Variants in PCNX1 observed in about 807,000 individuals in gnomAD.
PCNX1 encodes the protein pecanex 1.
A neutral mutation model predicts 242.2 loss-of-function variants in PCNX1; 78 were observed. That is an observed-to-expected ratio of 0.32 (90% confidence interval 0.27 to 0.39). PCNX1 has a LOEUF of 0.39. Ranked by LOEUF, PCNX1 falls within the 10% of genes least tolerant of loss-of-function variation. PCNX1 has a pLI of 1.00. For synonymous variants in PCNX1, 1,024 were observed against 1,032.9 expected (o/e 0.99, Z 0.17); for missense variants, 2,581 against 2,856.5 (o/e 0.90, Z 2.20).
chr14:70,964,423 C>A (rs556413646), intron 3 of PCNX1, among the ~76,000 whole-genome samples: 1 of 152,282 alleles, frequency 6.6e-6, no homozygotes, highest in Admixed American at 6.5e-5. Flanking sequence ...ACAAGGGTTA[C>A]TATCCTTGAT....
At chr14:71,023,924 A>G (rs981225068) in intron 13 of PCNX1, among the ~76,000 whole-genome samples, 15 of 152,136 alleles carry the variant, frequency 9.9e-5, no homozygotes, top group African/African-American at 3.6e-4. Flanking sequence ...AAATAAAACA[A>G]AGAGGCAAGT....
chr14:71,021,492 T>C (rs1213836206), intron 12 of PCNX1, among the ~76,000 whole-genome samples: 1 of 152,282 alleles, frequency 6.6e-6, no homozygotes, highest in Non-Finnish European at 1.5e-5. Flanking sequence ...GGAAAACCAT[T>C]GACATAGTTC....
chr14:71,051,165 T>C (rs1396594911), intron 23 of PCNX1, among the ~76,000 whole-genome samples: 2 of 77,000 alleles, frequency 2.6e-5, no homozygotes, highest in African/African-American at 1.2e-4. Context: ...CAAAACTCTG[T>C]CTCAAAAAAA....
intron 6 of PCNX1, among the ~76,000 whole-genome samples, chr14:70,988,249 C>CA (rs1566663860): frequency 6.6e-6 from 1 of 151,814 alleles, no homozygotes; most frequent in Admixed American, 6.6e-5. Flanking sequence ...AATATGGGAC[C>CA]AAAATAAATG....
Position 71,019,138 on chromosome 14 carries a change from C to T in PCNX1, c.3126C>T (p.Ala1042=), listed in dbSNP as rs529006515. Reference sequence around the variant, plus strand: ...TCTTCCAGTTCTGCCTCGTCATAGCCAGCTGTCAATACTCACTGCTTAAGG... The same window carrying T: ...TCTTCCAGTTCTGCCTCGTCATAGCTAGCTGTCAATACTCACTGCTTAAGG... ...IWVFQFCLVI[A]SCQYSLLKSV... is the part of the protein sequence containing the mutation. Residue 1042 remains alanine (A), a synonymous_variant, in exon 12 of 36, where the codon GCC becomes GCT. Coordinates refer to ENST00000304743, the MANE Select transcript of PCNX1 (RefSeq NM_014982.3). 17 of 1,611,136 alleles carry T rather than the reference C, an allele frequency of 1.1e-5. No homozygotes were observed. In the Admixed American group the frequency reaches 2.8e-4, roughly 27 times the overall value.
At chr14:70,921,912 A>C (rs547494223) in intron 1 of PCNX1, among the ~76,000 whole-genome samples, 8 of 152,260 alleles carry the variant, frequency 5.3e-5, no homozygotes, top group African/African-American at 1.9e-4. Flanking sequence ...TAATTTGTCT[A>C]TTGGTACATT....
chr14:70,983,132 C>T (rs1331122927), intron 6 of PCNX1, among the ~76,000 whole-genome samples: 1 of 152,074 alleles, frequency 6.6e-6, no homozygotes, highest in Non-Finnish European at 1.5e-5. Flanking sequence ...AAAGTGGATG[C>T]AAAATTGTAT....
chr14:70,916,848 C>T (rs988301537), intron 1 of PCNX1, among the ~76,000 whole-genome samples: 50 of 152,324 alleles, frequency 3.3e-4, no homozygotes, highest in African/African-American at 1.2e-3. Context: ...ACGTGTAATG[C>T]TGCTTGATAG....
Position 70,962,252 on chromosome 14 carries a change from C to T in PCNX1, c.389C>T (p.Ser130Phe). Residue 130 changes from serine to phenylalanine, a missense_variant, in exon 3 of 36, where the codon TCT (serine) becomes TTT (phenylalanine). Transcript: ENST00000304743. ...GATCCTGGTGGAGGGATTGAAATGTCTGAGTTCATCCGAGAGGCCACACCC... is the reference window on the plus strand; with the variant it reads ...GATCCTGGTGGAGGGATTGAAATGTTTGAGTTCATCCGAGAGGCCACACCC... ...PSDPGGGIEM[S>F]EFIREATPPV... 6.2e-7 allele frequency: 1 copy of T among 1,612,344 alleles called. No individual in the cohort carries two copies. Among genetic ancestry groups the T allele is most frequent in the East Asian group, 2.2e-5 (1 of 44,872 alleles).
At chr14:71,086,940 G>C (rs980945939) in intron 28 of PCNX1, among the ~76,000 whole-genome samples, 2 of 152,080 alleles carry the variant, frequency 1.3e-5, no homozygotes, top group South Asian at 2.1e-4. Flanking sequence ...TTCAGCTAGG[G>C]GGGTAAATAT....
chr14:70,924,609 A>G (rs2056514585), intron 1 of PCNX1, among the ~76,000 whole-genome samples: 1 of 151,904 alleles, frequency 6.6e-6, no homozygotes, highest in Non-Finnish European at 1.5e-5. Flanking sequence ...TATTTTTGAC[A>G]CTGGGTCTAA....
intron 18 of PCNX1, 124 bp from the exon 19 acceptor site, chr14:71,035,941 C>A (rs879229633): frequency 3.6e-6 from 2 of 560,966 alleles, no homozygotes; most frequent in Non-Finnish European, 6.2e-6. Flanking sequence ...TTTTTTTTTT[C>A]TTTAATACTG....
In PCNX1 at chr14:70,952,268, A is replaced by G. The variant is rs746898954; in HGVS notation, c.362+5145A>G. On this transcript the variant is annotated intron_variant, in intron 2 of 35. Transcript: ENST00000304743. The stretch of plus-strand genomic sequence containing the variant: ...GTTTTTTCCATTTTCTTTTACTTTA[A>G]AAATTTTTTATTGTGAAATATGTAT... Among the ~76,000 whole-genome samples, 15 of 152,178 alleles carry G rather than the reference A, an allele frequency of 9.9e-5. No individual in the cohort carries two copies. The South Asian group carries it at 1.7e-3, about 17-fold the overall frequency.
intron 31 of PCNX1, among the ~76,000 whole-genome samples, chr14:71,102,918 C>A (rs558579191): frequency 1.3e-5 from 2 of 152,048 alleles, no homozygotes; most frequent in East Asian, 3.9e-4. Context: ...TTAAATAGTT[C>A]ATTCTAACTT....
chr14:71,008,596 C>A (rs1481357568), intron 8 of PCNX1, among the ~76,000 whole-genome samples: 2 of 134,592 alleles, frequency 1.5e-5, no homozygotes, highest in Non-Finnish European at 3.0e-5. Flanking sequence ...GCAGAGCTTG[C>A]AGTGAGCCGA....
At chr14:71,066,800 GGA>G (rs1158527316) in intron 26 of PCNX1, among the ~76,000 whole-genome samples, 1 of 152,022 alleles carries the variant, frequency 6.6e-6, no homozygotes, top group Non-Finnish European at 1.5e-5. Context: ...CCTAGTTTAT[GGA>G]GAGGTTTTAG....
At chr14:71,069,895 T>C (rs76436931) in intron 26 of PCNX1, among the ~76,000 whole-genome samples, 2 of 152,200 alleles carry the variant, frequency 1.3e-5, no homozygotes, top group South Asian at 4.1e-4. Context: ...ATTGACTCTT[T>C]GTTTGATGAA....
intron 21 of PCNX1, among the ~76,000 whole-genome samples, chr14:71,047,409 G>T (rs1410288839): frequency 2.0e-5 from 3 of 152,040 alleles, no homozygotes; most frequent in Non-Finnish European, 2.9e-5. Flanking sequence ...CATATAGATG[G>T]TCAGTTGCCT....
intron 2 of PCNX1, among the ~76,000 whole-genome samples, chr14:70,952,509 A>G (rs1229097870): frequency 6.6e-6 from 1 of 152,090 alleles, no homozygotes; most frequent in South Asian, 2.1e-4. Flanking sequence ...ATATTCCTGA[A>G]TATATTTATT....
Sources: gnomAD v4.1 joint callset for allele counts (sites outside exome capture counted in the v4.1 genomes callset) on GRCh38, gnomAD v4.1.1 for gene constraint, MANE v1.5 for transcripts, NCBI Gene and HGNC (gene_info 2026-07-23, HGNC 2026-07-21) for gene names.